Variants in CMSS1 observed in about 807,000 individuals in gnomAD.
The protein encoded by CMSS1 is protein CMSS1.
A neutral mutation model predicts 43.5 loss-of-function variants in CMSS1; 33 were observed. The observed-to-expected ratio is 0.76, with a 90% CI of 0.57 to 1.01. The LOEUF is 1.01. Among genes scored for constraint, CMSS1 ranks in the 50% least tolerant of loss-of-function variants. CMSS1 has a pLI of 0.00. For missense variants in CMSS1, 313 were observed against 326.4 expected, an observed-to-expected ratio of 0.96 and a Z score of 0.32; for synonymous variants, 115 against 117.2, an observed-to-expected ratio of 0.98 and a Z score of 0.12.
chr3:100,138,930 A>G (rs1246181843), intron 1 of CMSS1, among the ~76,000 whole-genome samples: 3 of 152,232 alleles, frequency 2.0e-5, no homozygotes, highest in African/African-American at 7.2e-5. Flanking sequence ...TAGCAAAGTC[A>G]TGGATCCAAC....
Position 100,176,317 on chromosome 3 carries a change from T to A in CMSS1, c.668-10T>A. On this transcript the variant is annotated splice_polypyrimidine_tract_variant and intron_variant, in intron 8 of 9. Transcript: ENST00000421999. ...CTTTACTACAGCAACTCTCTTCCTG[T>A]CTCTTTCAGGTGGCCTTAATTTGAG... The A allele has an allele frequency of 6.3e-7, 1 of 1,585,836 alleles. No homozygotes were observed. The highest frequency in any genetic ancestry group is 8.7e-7 in the Non-Finnish European group (1 of 1,154,686).
At chr3:99,949,353 A>T (rs1708108963) in intron 1 of CMSS1, among the ~76,000 whole-genome samples, 1 of 152,214 alleles carries the variant, frequency 6.6e-6, no homozygotes. Flanking sequence ...CATAGTTGGC[A>T]ACTGGCTTCT....
At chr3:99,978,000 TATTCTGTTTTGAAGTTCCTC>T (rs1709020043) in intron 1 of CMSS1, among the ~76,000 whole-genome samples, 1 of 152,210 alleles carries the variant, frequency 6.6e-6, no homozygotes, top group Non-Finnish European at 1.5e-5. Context: ...TTAAGATTAA[TATTCTGTTTTGAAGTTCCTC>T]ATAATTCCAC....
chr3:99,821,972 G>A (rs1211941641), intron 1 of CMSS1, among the ~76,000 whole-genome samples: 1 of 152,112 alleles, frequency 6.6e-6, no homozygotes, highest in Non-Finnish European at 1.5e-5. Context: ...CTTGAACCCA[G>A]GAGGTGGAGC....
In CMSS1 at chr3:100,113,052, G is replaced by A. The variant is rs183479030; in HGVS notation, c.65-33921G>A. Among the ~76,000 whole-genome samples the A allele has an allele frequency of 1.9e-4, 29 of 152,260 alleles. No individual in the cohort carries two copies. The East Asian group carries it at 4.8e-3, about 25-fold the overall frequency. ...TCCTTTATGCATATCTAATACACAC[G>A]TGGAATATGGTAGTGTAGTTAAACA... is the stretch of plus-strand genomic sequence containing the variant. On this transcript the variant is annotated intron_variant, in intron 1 of 9. Coordinates refer to ENST00000421999, the MANE Select transcript of CMSS1 (RefSeq NM_032359.4).
chr3:100,045,777 C>T (rs1281077725), intron 1 of CMSS1, among the ~76,000 whole-genome samples: 1 of 152,194 alleles, frequency 6.6e-6, no homozygotes, highest in Non-Finnish European at 1.5e-5. Context: ...GTGGGGAAAC[C>T]ACAGAAAGCT....
chr3:99,997,613 A>G (rs1265518444), intron 1 of CMSS1, among the ~76,000 whole-genome samples: 1 of 152,224 alleles, frequency 6.6e-6, no homozygotes, highest in Non-Finnish European at 1.5e-5. Flanking sequence ...AGGATAGCAG[A>G]GAAACCAACA....
intron 1 of CMSS1, among the ~76,000 whole-genome samples, chr3:100,069,295 A>C (rs1034851925): frequency 5.9e-5 from 9 of 151,526 alleles, no homozygotes; most frequent in African/African-American, 2.2e-4. Context: ...ATCCTGTTGT[A>C]GGCATTATTA....
intron 1 of CMSS1, among the ~76,000 whole-genome samples, chr3:99,837,567 C>T (rs1942952791): frequency 6.6e-6 from 1 of 152,120 alleles, no homozygotes; most frequent in African/African-American, 2.4e-5. Context: ...GACATAGGAG[C>T]CAACTTGACA....
At chr3:99,977,529 G>C (rs1709006641) in intron 1 of CMSS1, among the ~76,000 whole-genome samples, 1 of 151,808 alleles carries the variant, frequency 6.6e-6, no homozygotes, top group African/African-American at 2.4e-5. Flanking sequence ...TGTTTTCCTG[G>C]GAATGTAAGC....
chr3:99,957,693 C>CTTTTTTGTTTTTTTTTTTTTTT (rs1708365179), intron 1 of CMSS1, among the ~76,000 whole-genome samples: 1 of 19,894 alleles, frequency 5.0e-5, no homozygotes, highest in Non-Finnish European at 1.1e-4. Context: ...TTCTTTCTTT[C>CTTTTTTGTTTTTTTTTTTTTTT]TTTTTTTTTT....
At chr3:100,018,503 T>C (rs1710409466) in intron 1 of CMSS1, among the ~76,000 whole-genome samples, 1 of 152,102 alleles carries the variant, frequency 6.6e-6, no homozygotes, top group Non-Finnish European at 1.5e-5. Context: ...GATAGCCACA[T>C]GCAGAAGAAT....
At chr3:99,956,186 T>C (rs1708314435) in intron 1 of CMSS1, among the ~76,000 whole-genome samples, 1 of 152,174 alleles carries the variant, frequency 6.6e-6, no homozygotes, top group Non-Finnish European at 1.5e-5. Context: ...CTTCCACTTA[T>C]TCCTTAACCA....
chr3:99,979,897 GGACAAAGT>G, intron 1 of CMSS1, among the ~76,000 whole-genome samples: 1 of 152,226 alleles, frequency 6.6e-6, no homozygotes, highest in Middle Eastern at 3.4e-3. Context: ...AGAGAGAGCG[GGACAAAGT>G]GCTGTGAAGG....
At chr3:99,849,564 C>G (rs1279071590) in intron 1 of CMSS1, 3 of 1,613,440 alleles carry the variant, frequency 1.9e-6, no homozygotes, top group East Asian at 4.5e-5. Flanking sequence ...CTTCTTGAAG[C>G]CTTTTGAAAA....
intron 1 of CMSS1, among the ~76,000 whole-genome samples, chr3:100,073,018 A>T (rs542359259): frequency 6.6e-6 from 1 of 152,288 alleles, no homozygotes; most frequent in Non-Finnish European, 1.5e-5. Context: ...CTTAATATAT[A>T]TCTTGATTAA....
chr3:99,932,711 G>A (rs1026733245), intron 1 of CMSS1, among the ~76,000 whole-genome samples: 14 of 152,082 alleles, frequency 9.2e-5, no homozygotes, highest in South Asian at 2.1e-4. Context: ...CCAACATGGC[G>A]AAACCCCATC....
intron 1 of CMSS1, among the ~76,000 whole-genome samples, chr3:100,030,954 A>G (rs781146393): frequency 1.5e-4 from 23 of 152,334 alleles, no homozygotes; most frequent in Non-Finnish European, 2.1e-4. Flanking sequence ...TATAAAATCT[A>G]TGAGATATGA....
chr3:99,890,248 T>C (rs1706040695), intron 1 of CMSS1, among the ~76,000 whole-genome samples: 2 of 152,268 alleles, frequency 1.3e-5, no homozygotes, highest in Admixed American at 6.5e-5. Context: ...TATCTAATTG[T>C]CATTCCTTTT....
Sources: allele counts gnomAD v4.1 joint callset (sites outside exome capture counted in the v4.1 genomes callset), GRCh38; gene constraint gnomAD v4.1.1; transcripts MANE v1.5; gene names NCBI Gene and HGNC (gene_info 2026-07-23, HGNC 2026-07-21).